PCMTD1: variants seen among roughly 807,000 people sequenced by gnomAD.
PCMTD1 encodes protein-L-isoaspartate (D-aspartate) O-methyltransferase domain containing 1.
A neutral mutation model predicts 37.6 loss-of-function variants in PCMTD1; 12 were observed. The observed-to-expected ratio is 0.32, with a 90% CI of 0.20 to 0.52. The LOEUF is 0.52. Ranked by LOEUF, PCMTD1 falls within the 20% of genes least tolerant of loss-of-function variation. The pLI is 0.97. For synonymous variants in PCMTD1, 117 were observed against 135.8 expected (o/e 0.86, Z 0.96); for missense variants, 235 against 421.3 (o/e 0.56, Z 3.87).
chr8:51,876,945 G>A (rs990492435), intron 1 of PCMTD1, among the ~76,000 whole-genome samples: 15 of 152,240 alleles, frequency 9.9e-5, no homozygotes, highest in East Asian at 3.9e-4. Flanking sequence ...GATTATCTGC[G>A]TAATCTCAAA....
intron 1 of PCMTD1, among the ~76,000 whole-genome samples, chr8:51,867,476 GGTGTGTGTGTGTGTGTGTGTGTGT>G (rs59206546): frequency 3.5e-5 from 5 of 141,588 alleles, no homozygotes; most frequent in South Asian, 4.7e-4. Context: ...TAAAGAAAAT[GGTGTGTGTGTGTGTGTGTGTGTGT>G]GTGTGTGTGT....
At chr8:51,857,987 A>C (rs879641209) in intron 2 of PCMTD1, among the ~76,000 whole-genome samples, 2 of 149,852 alleles carry the variant, frequency 1.3e-5, no homozygotes, top group Admixed American at 1.3e-4. Flanking sequence ...GTGAGACCCT[A>C]CCTAAAAATA....
intron 1 of PCMTD1, among the ~76,000 whole-genome samples, chr8:51,863,764 A>G (rs2038509396): frequency 6.6e-6 from 1 of 152,138 alleles, no homozygotes; most frequent in South Asian, 2.1e-4. Flanking sequence ...TCTACTAAAA[A>G]TACAAAAAAA....
chr8:51,850,445 G>C (rs1563345940), intron 2 of PCMTD1, among the ~76,000 whole-genome samples: 1 of 152,086 alleles, frequency 6.6e-6, no homozygotes, highest in Non-Finnish European at 1.5e-5. Flanking sequence ...AAATGCCTGG[G>C]TCCTACCACA....
At chr8:51,823,541 T>C (rs2037878371) in intron 5 of PCMTD1, among the ~76,000 whole-genome samples, 1 of 152,192 alleles carries the variant, frequency 6.6e-6, no homozygotes, top group South Asian at 2.1e-4. Flanking sequence ...TATTTAAACA[T>C]CCTCCATATT....
Position 51,894,789 on chromosome 8 carries a change from C to CA in PCMTD1, c.-96+4140dup, listed in dbSNP as rs35399725. On this transcript the variant is annotated intron_variant, in intron 1 of 5. Coordinates refer to ENST00000522514, the MANE Select transcript of PCMTD1 (RefSeq NM_052937.4). ...CAGGAACCACAATGCAGTAAGATGA[C>CA]AAAAAAAAAAAAAATTCTAAGAAAA... Among the ~76,000 whole-genome samples, 395 of 138,178 alleles carry CA rather than the reference C, an allele frequency of 2.9e-3. 1 individual carries two copies. Among genetic ancestry groups the CA allele is most frequent in the African/African-American group, 0.01 (355 of 33,940 alleles). The allele number at this position is 138,178 out of a possible 152,430, so 90.7% of individuals were successfully genotyped here. A position where few individuals can be genotyped will look rare whatever the true frequency, so the allele number is the denominator to read the frequency against.
At chr8:51,842,504 T>C (rs1018906236) in intron 3 of PCMTD1, among the ~76,000 whole-genome samples, 3 of 151,768 alleles carry the variant, frequency 2.0e-5, no homozygotes, top group African/African-American at 7.2e-5. Flanking sequence ...TTTTTTTTTT[T>C]GTAGAGACAG....
intron 5 of PCMTD1, among the ~76,000 whole-genome samples, chr8:51,824,020 T>C (rs998483807): frequency 6.6e-6 from 1 of 152,128 alleles, no homozygotes; most frequent in Non-Finnish European, 1.5e-5. Context: ...AAAATCTCAA[T>C]AAACTAGGTA....
In PCMTD1 at chr8:51,818,027, CTTTA is replaced by C. The variant is rs1297785148; in HGVS notation, c.*2320_*2323del. On this transcript the variant is annotated 3_prime_UTR_variant, in exon 6 of 6. Transcript: ENST00000522514. ...TCATTTTCACTTACTTTTACTTAAT[CTTTA>C]TTTGCTACTTTTCCACCTATAAAGC... is the stretch of plus-strand genomic sequence containing the variant. 64 of 441,762 alleles carry C rather than the reference CTTTA, an allele frequency of 1.4e-4. No individual in the cohort carries two copies. The highest frequency in any genetic ancestry group is 1.3e-3 in the Middle Eastern group (4 of 3,016). 27.4% of individuals were successfully genotyped at this position (441,762 alleles called of 1,614,324 possible). A position where few individuals can be genotyped will look rare whatever the true frequency, so the allele number is the denominator to read the frequency against.
intron 3 of PCMTD1, among the ~76,000 whole-genome samples, chr8:51,837,146 C>T (rs542176069): frequency 2.0e-5 from 3 of 152,172 alleles, no homozygotes; most frequent in Non-Finnish European, 2.9e-5. Flanking sequence ...CAATGTAAAG[C>T]AGAACAAGTA....
intron 2 of PCMTD1, among the ~76,000 whole-genome samples, chr8:51,856,744 G>A (rs573312839): frequency 2.0e-5 from 3 of 152,336 alleles, no homozygotes; most frequent in African/African-American, 7.2e-5. Flanking sequence ...AGTGAAAGAA[G>A]CTGGATTCAG....
At chr8:51,882,838 TAAA>T (rs1444569621) in intron 1 of PCMTD1, among the ~76,000 whole-genome samples, 5 of 132,890 alleles carry the variant, frequency 3.8e-5, no homozygotes, top group Non-Finnish European at 6.5e-5. Context: ...AAAAAAGAAA[TAAA>T]AAACGGCCGG....
At chr8:51,833,996 C>A (rs1052803063) in intron 3 of PCMTD1, among the ~76,000 whole-genome samples, 3 of 151,986 alleles carry the variant, frequency 2.0e-5, no homozygotes, top group Non-Finnish European at 4.4e-5. Flanking sequence ...TATTGTGACA[C>A]CCCCCAAAAT....
intron 2 of PCMTD1, among the ~76,000 whole-genome samples, chr8:51,847,916 A>G (rs1197498658): frequency 1.5e-5 from 1 of 65,552 alleles, no homozygotes; most frequent in African/African-American, 2.6e-5. Flanking sequence ...CGTCTCTACA[A>G]TAAACTAAAA....
chr8:51,873,167 T>G (rs1304242262), intron 1 of PCMTD1, among the ~76,000 whole-genome samples: 1 of 152,192 alleles, frequency 6.6e-6, no homozygotes, highest in Non-Finnish European at 1.5e-5. Context: ...TTCATACAAT[T>G]TCTTAAGTAC....
chr8:51,829,290 ACT>A (rs1255059602), intron 5 of PCMTD1, among the ~76,000 whole-genome samples: 1 of 151,964 alleles, frequency 6.6e-6, no homozygotes, highest in African/African-American at 2.4e-5. Context: ...TGCCACTAAC[ACT>A]CTCAGCAAGC....
rs1476169250 is a variant in PCMTD1 at position 51,818,066 on chromosome 8, C to T, written c.*2285G>A. The T allele has an allele frequency of 2.5e-6, 1 of 397,608 alleles. No individual in the cohort carries two copies. The highest frequency in any genetic ancestry group is 2.1e-5 in the African/African-American group (1 of 47,612). 24.6% of individuals were successfully genotyped at this position (397,608 alleles called of 1,614,324 possible). A position where few individuals can be genotyped will look rare whatever the true frequency, so the allele number is the denominator to read the frequency against. On this transcript the variant is annotated 3_prime_UTR_variant, in exon 6 of 6. Coordinates refer to ENST00000522514, the MANE Select transcript of PCMTD1 (RefSeq NM_052937.4). ...TTTCCACCTATAAAGCGTAATTTTC[C>T]ATATCAAGTAAACATAAATTCATTA...
intron 1 of PCMTD1, among the ~76,000 whole-genome samples, chr8:51,891,314 A>G (rs1281439728): frequency 1.3e-5 from 2 of 152,128 alleles, no homozygotes; most frequent in African/African-American, 4.8e-5. Context: ...CTTTGGGAGG[A>G]CAAGGCAGGA....
chr8:51,883,625 A>G (rs2038823617), intron 1 of PCMTD1, among the ~76,000 whole-genome samples: 3 of 152,250 alleles, frequency 2.0e-5, no homozygotes, highest in Admixed American at 2.0e-4. Context: ...AAACGTGTTC[A>G]GAAAGTCAAA....
Sources: gnomAD v4.1 joint callset for allele counts (sites outside exome capture counted in the v4.1 genomes callset) on GRCh38, gnomAD v4.1.1 for gene constraint, MANE v1.5 for transcripts, NCBI Gene and HGNC (gene_info 2026-07-23, HGNC 2026-07-21) for gene names.